Variants in GPC6 observed in about 807,000 individuals in gnomAD.
GPC6 encodes the protein glypican 6.
A neutral mutation model predicts 55.2 loss-of-function variants in GPC6; 14 were observed. That is an observed-to-expected ratio of 0.25 (90% CI 0.17 to 0.40). The LOEUF is 0.40. Among genes scored for constraint, GPC6 ranks in the 10% least tolerant of loss-of-function variants. GPC6 has a pLI of 1.00. For missense variants in GPC6, 641 were observed against 708.5 expected (o/e 0.90, Z 1.08); for synonymous variants, 278 against 259.6 (o/e 1.07, Z -0.68).
intron 1 of GPC6, among the ~76,000 whole-genome samples, chr13:93,486,999 A>G (rs1418027879): frequency 6.6e-6 from 1 of 151,988 alleles, no homozygotes; most frequent in African/African-American, 2.4e-5. Flanking sequence ...AAAAACAAAG[A>G]GACCATCTCA....
At chr13:94,308,571 A>G (rs892759262) in intron 6 of GPC6, among the ~76,000 whole-genome samples, 1 of 152,224 alleles carries the variant, frequency 6.6e-6, no homozygotes, top group Admixed American at 6.5e-5. Context: ...ATTTAAATCA[A>G]TAAGCCAATT....
chr13:93,872,649 A>G (rs144262022), intron 3 of GPC6, among the ~76,000 whole-genome samples: 1,563 of 151,982 alleles, frequency 0.01, 13 homozygotes, highest in Middle Eastern at 0.017. Flanking sequence ...TCATTTAAGC[A>G]TTCTTCTGAT....
intron 3 of GPC6, among the ~76,000 whole-genome samples, chr13:93,836,889 G>A (rs940944415): frequency 2.6e-5 from 4 of 152,118 alleles, no homozygotes; most frequent in African/African-American, 9.7e-5. Flanking sequence ...GAAAGTCCAG[G>A]TGTCAGTAGA....
At chr13:93,703,144 T>C (rs1420940230) in intron 2 of GPC6, among the ~76,000 whole-genome samples, 1 of 151,900 alleles carries the variant, frequency 6.6e-6, no homozygotes, top group African/African-American at 2.4e-5. Context: ...TTAGAGGCCA[T>C]TGTAGGGTTA....
intron 2 of GPC6, among the ~76,000 whole-genome samples, chr13:93,683,377 A>G (rs1392568600): frequency 6.6e-6 from 1 of 152,068 alleles, no homozygotes; most frequent in African/African-American, 2.4e-5. Context: ...ACTTCAATTT[A>G]TGATACTGAA....
At chr13:94,043,157 A>C (rs1019833117) in intron 4 of GPC6, among the ~76,000 whole-genome samples, 1 of 151,720 alleles carries the variant, frequency 6.6e-6, no homozygotes, top group African/African-American at 2.4e-5. Flanking sequence ...TTCCTGCATC[A>C]GTCCTAAAAC....
intron 2 of GPC6, among the ~76,000 whole-genome samples, chr13:93,800,013 C>T (rs1886320634): frequency 7.5e-6 from 1 of 133,088 alleles, no homozygotes; most frequent in South Asian, 2.3e-4. Context: ...ATGGAGCTTA[C>T]ATTTCTGATA....
intron 6 of GPC6, among the ~76,000 whole-genome samples, chr13:94,311,285 T>A (rs1226800636): frequency 6.6e-6 from 1 of 152,064 alleles, no homozygotes; most frequent in Non-Finnish European, 1.5e-5. Context: ...TCACCTGCCT[T>A]GGCCTCCCGA....
At position 93,507,061 on chromosome 13, in the gene GPC6, C is replaced by CAAA. The variant is rs56368708; in HGVS notation, c.161-38175_161-38173dup. 2.9e-4 allele frequency among the ~76,000 whole-genome samples: 15 copies of CAAA among 52,130 alleles called. 1 individual carries two copies. The highest frequency in any genetic ancestry group is 1.6e-3 in the East Asian group (2 of 1,238). 34.2% of individuals were successfully genotyped at this position (52,130 alleles called of 152,430 possible). A position where few individuals can be genotyped will look rare whatever the true frequency, so the allele number is the denominator to read the frequency against. On this transcript the variant is annotated intron_variant, in intron 1 of 8. Coordinates refer to ENST00000377047, the MANE Select transcript of GPC6 (RefSeq NM_005708.5). ...TGGGCGACAGAGCGAGACTCCGTCTCAAAAAAAAAAAAAAAAAAAAAAAAA... is the reference window on the plus strand; with the variant it reads ...TGGGCGACAGAGCGAGACTCCGTCTCAAAAAAAAAAAAAAAAAAAAAAAAAAAA...
chr13:94,008,536 C>G (rs1356591211), intron 3 of GPC6, among the ~76,000 whole-genome samples: 4 of 152,142 alleles, frequency 2.6e-5, no homozygotes, highest in African/African-American at 9.6e-5. Flanking sequence ...CCTGTAGTTC[C>G]AGGTACTTGG....
intron 6 of GPC6, among the ~76,000 whole-genome samples, chr13:94,327,362 G>C (rs756036350): frequency 2.6e-5 from 4 of 152,014 alleles, no homozygotes; most frequent in Admixed American, 6.5e-5. Context: ...TCTCCCTTTT[G>C]TGGGCCTTTT....
chr13:93,600,180 A>G (rs989747778), intron 2 of GPC6, among the ~76,000 whole-genome samples: 1 of 152,248 alleles, frequency 6.6e-6, no homozygotes, highest in East Asian at 1.9e-4. Flanking sequence ...ACTGTTATTT[A>G]TCTTGTCTGG....
chr13:94,208,251 G>T (rs1189616051), intron 4 of GPC6, among the ~76,000 whole-genome samples: 1 of 152,142 alleles, frequency 6.6e-6, no homozygotes, highest in African/African-American at 2.4e-5. Context: ...GTGTGTTTTT[G>T]GGTAAAGCAC....
At chr13:93,735,538 G>A (rs1883969769) in intron 2 of GPC6, among the ~76,000 whole-genome samples, 1 of 150,750 alleles carries the variant, frequency 6.6e-6, no homozygotes, top group Non-Finnish European at 1.5e-5. Context: ...AAAAAAAGAA[G>A]AAGAAGATGT....
chr13:93,392,882 C>A (rs1011946499), intron 1 of GPC6, among the ~76,000 whole-genome samples: 3 of 152,100 alleles, frequency 2.0e-5, no homozygotes, highest in Non-Finnish European at 2.9e-5. Flanking sequence ...TTAGCTGTTA[C>A]ATTCTTCCAT....
chr13:93,801,991 C>A (rs1323271610), intron 2 of GPC6, among the ~76,000 whole-genome samples: 1 of 152,088 alleles, frequency 6.6e-6, no homozygotes, highest in Non-Finnish European at 1.5e-5. Flanking sequence ...TAAGATGTTT[C>A]TCTTTTAATT....
At chr13:94,228,995 T>A (rs1205734261) in intron 4 of GPC6, among the ~76,000 whole-genome samples, 1 of 152,176 alleles carries the variant, frequency 6.6e-6, no homozygotes, top group African/African-American at 2.4e-5. Flanking sequence ...CTAAATATGG[T>A]AATGTGAAAC....
intron 3 of GPC6, among the ~76,000 whole-genome samples, chr13:93,886,304 G>C (rs1018782946): frequency 6.6e-6 from 1 of 151,984 alleles, no homozygotes; most frequent in African/African-American, 2.4e-5. Flanking sequence ...TCCAAGCTAG[G>C]ATACTAGGAA....
chr13:94,274,861 A>G (rs1892154062), intron 4 of GPC6, among the ~76,000 whole-genome samples: 1 of 152,180 alleles, frequency 6.6e-6, no homozygotes, highest in Non-Finnish European at 1.5e-5. Flanking sequence ...CTAATAAAAA[A>G]GTACAATAAG....
Sources: gnomAD v4.1 joint callset for allele counts (sites outside exome capture counted in the v4.1 genomes callset) on GRCh38, gnomAD v4.1.1 for gene constraint, MANE v1.5 for transcripts, NCBI Gene and HGNC (gene_info 2026-07-23, HGNC 2026-07-21) for gene names.